The following ADGRL3 variants were observed in gnomAD, a reference collection of about 807,000 sequenced individuals.
ADGRL3 encodes the protein adhesion G protein-coupled receptor L3.
ADGRL3 carries 62 observed loss-of-function variants against 153.5 expected under a neutral mutation model. The observed-to-expected ratio is 0.40, with a 90% CI of 0.33 to 0.50. The LOEUF (loss-of-function observed/expected upper bound fraction) is 0.50. Among genes scored for constraint, ADGRL3 ranks in the 20% least tolerant of loss-of-function variants. The pLI is 0.47. For missense variants in ADGRL3, 1,641 were observed against 1,859.4 expected (o/e 0.88, Z 2.16); for synonymous variants, 710 against 672.5 (o/e 1.06, Z -0.86).
rs538414468 is a variant in ADGRL3, at chr4:61,694,951, G to A, written c.583+18016G>A. ...TCATTTATAAGTAGCAACTCCTCGT[G>A]TTCAGTTTTACCACAAGATTGCAGC... On this transcript the variant is annotated intron_variant, in intron 6 of 26. Coordinates refer to ENST00000683033, the MANE Select transcript of ADGRL3 (RefSeq NM_001387552.1). Among the ~76,000 whole-genome samples, 260 of 152,232 alleles carry A rather than the reference G, an allele frequency of 1.7e-3. 1 individual carries two copies. The highest frequency in any genetic ancestry group is 5.9e-3 in the African/African-American group (245 of 41,550).
chr4:61,589,036 CA>C (rs541787455), intron 5 of ADGRL3, among the ~76,000 whole-genome samples: 31 of 151,928 alleles, frequency 2.0e-4, no homozygotes, highest in Non-Finnish European at 4.4e-4. Context: ...TTAACAGCTC[CA>C]AAAATAAGCC....
intron 4 of ADGRL3, among the ~76,000 whole-genome samples, chr4:61,564,695 T>C (rs2098809603): frequency 6.6e-6 from 1 of 152,224 alleles, no homozygotes; most frequent in Admixed American, 6.5e-5. Flanking sequence ...CAGCTTTTGA[T>C]ATGCCTTCCT....
At chr4:62,012,577 C>G (rs1301313244) in intron 21 of ADGRL3, among the ~76,000 whole-genome samples, 1 of 152,138 alleles carries the variant, frequency 6.6e-6, no homozygotes, top group Non-Finnish European at 1.5e-5. Context: ...CTTAGATATA[C>G]TCCTTGTCAC....
At chr4:61,661,228 C>G (rs796243494) in intron 5 of ADGRL3, among the ~76,000 whole-genome samples, 1 of 152,026 alleles carries the variant, frequency 6.6e-6, no homozygotes, top group South Asian at 2.1e-4. Context: ...ACATTTTAAG[C>G]ATTGTCAATA....
chr4:61,320,811 A>T (rs2095340067), intron 1 of ADGRL3, among the ~76,000 whole-genome samples: 1 of 152,180 alleles, frequency 6.6e-6, no homozygotes, highest in African/African-American at 2.4e-5. Context: ...ACACAAATTT[A>T]TTGTTTTGCT....
At chr4:61,203,863 G>C (rs893060987) in intron 1 of ADGRL3, among the ~76,000 whole-genome samples, 6 of 151,428 alleles carry the variant, frequency 4.0e-5, no homozygotes, top group Non-Finnish European at 7.4e-5. Flanking sequence ...TTGTATAGGA[G>C]TTAAGAGGAT....
chr4:61,555,621 C>T (rs1412404176), intron 4 of ADGRL3, among the ~76,000 whole-genome samples: 1 of 152,028 alleles, frequency 6.6e-6, no homozygotes, highest in Non-Finnish European at 1.5e-5. Context: ...AATCCAGACC[C>T]CGAGAGGGAT....
chr4:61,945,941 C>G (rs150038464), intron 15 of ADGRL3, among the ~76,000 whole-genome samples: 4,361 of 152,248 alleles, frequency 0.029, 167 homozygotes, highest in East Asian at 0.18. Context: ...TGTTCCTATT[C>G]GGCCATCTTG....
intron 1 of ADGRL3, among the ~76,000 whole-genome samples, chr4:61,292,607 G>A (rs1201998192): frequency 2.0e-5 from 3 of 152,138 alleles, no homozygotes; most frequent in Admixed American, 6.6e-5. Flanking sequence ...CTATGCATCC[G>A]ATGCATGGTC....
intron 2 of ADGRL3, among the ~76,000 whole-genome samples, chr4:61,424,194 G>C (rs2097248391): frequency 6.6e-6 from 1 of 152,090 alleles, no homozygotes; most frequent in Non-Finnish European, 1.5e-5. Flanking sequence ...CTCAGAGTCA[G>C]GTGATGAGCC....
intron 5 of ADGRL3, among the ~76,000 whole-genome samples, chr4:61,643,240 A>T (rs964928071): frequency 6.6e-6 from 1 of 151,926 alleles, no homozygotes; most frequent in Non-Finnish European, 1.5e-5. Flanking sequence ...GCAAACAGGG[A>T]CAATTTGACT....
rs1389673159 is a variant in ADGRL3, at chr4:61,776,950, G to T, written c.1400-36859G>T. Among the ~76,000 whole-genome samples, 3 of 152,156 alleles carry T rather than the reference G, an allele frequency of 2.0e-5. No individual in the cohort carries two copies. In the East Asian group the frequency reaches 5.8e-4, roughly 29 times the overall value. On this transcript the variant is annotated intron_variant, in intron 8 of 26. Coordinates refer to ENST00000683033, the MANE Select transcript of ADGRL3 (RefSeq NM_001387552.1). ...TAAATAAACATATATAATGATCTGA[G>T]AAATGTTCATTATATATTGCTATTG...
chr4:61,493,679 C>T (rs1369791243), intron 2 of ADGRL3, among the ~76,000 whole-genome samples: 1 of 152,176 alleles, frequency 6.6e-6, no homozygotes, highest in African/African-American at 2.4e-5. Context: ...GCGTGCTTTC[C>T]TGCCTGCCTC....
chr4:61,313,658 G>A (rs544812074), intron 1 of ADGRL3, among the ~76,000 whole-genome samples: 1 of 152,220 alleles, frequency 6.6e-6, no homozygotes, highest in African/African-American at 2.4e-5. Context: ...CATATTTCTA[G>A]TCACAAGAGC....
chr4:61,372,469 G>T (rs577078775), intron 1 of ADGRL3, among the ~76,000 whole-genome samples: 99 of 152,224 alleles, frequency 6.5e-4, no homozygotes, highest in African/African-American at 2.3e-3. Context: ...TCAGCTGCAG[G>T]TCTGTTGGAG....
rs188438078 is a variant in ADGRL3, at chr4:61,725,201, G to T, written c.584-5421G>T. Among the ~76,000 whole-genome samples, 28 of 152,264 alleles carry T rather than the reference G, an allele frequency of 1.8e-4. 2 individuals carry two copies. The East Asian group carries it at 4.8e-3, about 26-fold the overall frequency. ...GAATAATATCGAAACCTGAATTCCT[G>T]TTTCAACTTGACCTAAACAAAGCCT... On this transcript the variant is annotated intron_variant, in intron 6 of 26. Coordinates refer to ENST00000683033, the MANE Select transcript of ADGRL3 (RefSeq NM_001387552.1).
chr4:62,055,149 A>T (rs951046068), intron 25 of ADGRL3, among the ~76,000 whole-genome samples: 1 of 151,830 alleles, frequency 6.6e-6, no homozygotes, highest in Non-Finnish European at 1.5e-5. Context: ...CTGGACAAGA[A>T]GACACATATG....
chr4:61,236,499 C>A (rs1229367888), intron 1 of ADGRL3, among the ~76,000 whole-genome samples: 12 of 152,084 alleles, frequency 7.9e-5, no homozygotes, highest in Admixed American at 5.2e-4. Flanking sequence ...TGGAAATACT[C>A]TTTACTACAT....
chr4:61,523,494 A>C (rs2098542705), intron 4 of ADGRL3, among the ~76,000 whole-genome samples: 1 of 152,100 alleles, frequency 6.6e-6, no homozygotes, highest in Admixed American at 6.6e-5. Context: ...GACAAGACTT[A>C]GAGTCTAATT....
Sources: gnomAD v4.1 joint callset for allele counts (sites outside exome capture counted in the v4.1 genomes callset) on GRCh38, gnomAD v4.1.1 for gene constraint, MANE v1.5 for transcripts, NCBI Gene and HGNC (gene_info 2026-07-23, HGNC 2026-07-21) for gene names.